Variants in ALDH1L1 observed in about 807,000 individuals in gnomAD.
ALDH1L1 encodes the protein cytosolic 10-formyltetrahydrofolate dehydrogenase.
Under a neutral mutation model 101.1 loss-of-function variants are expected in ALDH1L1, and 68 were observed. The ratio of observed to expected loss-of-function variants is 0.67; its 90% confidence interval spans 0.55 to 0.82. The LOEUF is 0.82. Among genes scored for constraint, ALDH1L1 ranks in the 40% least tolerant of loss-of-function variants. The pLI is 0.00. For missense variants in ALDH1L1, 1,087 were observed against 1,172.7 expected (o/e 0.93, Z 1.07); for synonymous variants, 486 against 470.8 (o/e 1.03, Z -0.42).
rs1430453793 is a variant in ALDH1L1 at position 126,147,873 on chromosome 3, C to T, written c.985-947G>A. Among the ~76,000 whole-genome samples the T allele has an allele frequency of 5.3e-5, 8 of 152,174 alleles. No individual in the cohort carries two copies. In the East Asian group the frequency reaches 1.5e-3, roughly 29 times the overall value. ...CATCAACACCACACCAAGCCACGCA[C>T]TGTCTGCCACACACCTGCTGCCTGC... On this transcript the variant is annotated intron_variant, in intron 8 of 22. Coordinates refer to ENST00000393434, the MANE Select transcript of ALDH1L1 (RefSeq NM_012190.4).
chr3:126,122,434 T>G (rs1386096083), intron 16 of ALDH1L1, among the ~76,000 whole-genome samples: 5 of 152,120 alleles, frequency 3.3e-5, no homozygotes, highest in African/African-American at 1.2e-4. Flanking sequence ...TAGGTGGGAA[T>G]AAAACTTAAA....
intron 1 of ALDH1L1, among the ~76,000 whole-genome samples, chr3:126,190,479 C>T (rs1364123321): frequency 6.6e-6 from 1 of 152,176 alleles, no homozygotes; most frequent in Non-Finnish European, 1.5e-5. Context: ...TCCATGGGTC[C>T]ACACTTCACG....
At chr3:126,175,181 A>C (rs1380090699) in intron 1 of ALDH1L1, among the ~76,000 whole-genome samples, 1 of 152,188 alleles carries the variant, frequency 6.6e-6, no homozygotes, top group African/African-American at 2.4e-5. Flanking sequence ...ACAACGTTCC[A>C]AAACTCACAC....
At chr3:126,177,744 A>C (rs2081389642) in intron 1 of ALDH1L1, among the ~76,000 whole-genome samples, 1 of 152,234 alleles carries the variant, frequency 6.6e-6, no homozygotes, top group African/African-American at 2.4e-5. Flanking sequence ...TGGCTCACCA[A>C]GTATAACAAA....
chr3:126,138,354 G>C (rs773026949), intron 9 of ALDH1L1, among the ~76,000 whole-genome samples: 8 of 152,148 alleles, frequency 5.3e-5, no homozygotes, highest in Non-Finnish European at 8.8e-5. Flanking sequence ...ATAAGCCACA[G>C]ATTGGAAGAA....
intron 1 of ALDH1L1, among the ~76,000 whole-genome samples, chr3:126,174,236 G>A (rs949120225): frequency 6.6e-6 from 1 of 152,128 alleles, no homozygotes; most frequent in African/African-American, 2.4e-5. Context: ...CTCCATGTTG[G>A]TCAGGCTGGT....
At chr3:126,120,884 G>C (rs2080066898) in intron 16 of ALDH1L1, among the ~76,000 whole-genome samples, 1 of 151,924 alleles carries the variant, frequency 6.6e-6, no homozygotes, top group African/African-American at 2.4e-5. Context: ...CTCCATTTTA[G>C]AAAACAAAAT....
At chr3:126,154,792 C>T (rs753361785) in intron 5 of ALDH1L1, 149 bp from the exon 6 acceptor site, 3 of 675,620 alleles carry the variant, frequency 4.4e-6, no homozygotes, top group Non-Finnish European at 7.9e-6. Flanking sequence ...GAGCTGGTGC[C>T]CCTAGTTCTG....
chr3:126,176,588 A>G (rs1358297303), intron 1 of ALDH1L1, among the ~76,000 whole-genome samples: 1 of 152,208 alleles, frequency 6.6e-6, no homozygotes, highest in Admixed American at 6.5e-5. Context: ...GAAAATCTGC[A>G]TTGCACAAAA....
At position 126,112,358 on chromosome 3, in the gene ALDH1L1, T is replaced by C. The variant is rs74949206; in HGVS notation, c.2181+424A>G. ...CAGGGGTATGCCTGTGTAGGGGGAT[T>C]CGTGCTCCAGGGCCCCTGTCCATGG... On this transcript the variant is annotated intron_variant, in intron 19 of 22. Transcript: ENST00000393434. Among the ~76,000 whole-genome samples the C allele has an allele frequency of 2.9e-3, 434 of 152,198 alleles. 2 individuals are homozygous for C. Among genetic ancestry groups the C allele is most frequent in the African/African-American group, 9.1e-3 (377 of 41,522 alleles).
In ALDH1L1 at chr3:126,153,260, C is replaced by T. The variant is rs546327000; in HGVS notation, c.858+184G>A. ...CAGAACAGAGAAGTGGGTAAACTGC[C>T]TCGGACACCCTGTGCTCAGGACCAG... On this transcript the variant is annotated intron_variant, in intron 7 of 22. Coordinates refer to ENST00000393434, the MANE Select transcript of ALDH1L1 (RefSeq NM_012190.4). The T allele has an allele frequency of 2.1e-4, 182 of 866,846 alleles. 2 individuals are homozygous for T. In the South Asian group the frequency reaches 2.7e-3, roughly 13 times the overall value. The allele number at this position is 866,846 out of a possible 1,614,324, so 53.7% of individuals were successfully genotyped here.
intron 1 of ALDH1L1, among the ~76,000 whole-genome samples, chr3:126,195,140 C>A (rs2081575147): frequency 6.6e-6 from 1 of 151,998 alleles, no homozygotes; most frequent in Non-Finnish European, 1.5e-5. Context: ...TCTAATGTCT[C>A]CAAAGTAGGT....
chr3:126,163,416 G>A (rs116823341), intron 1 of ALDH1L1, among the ~76,000 whole-genome samples: 79 of 152,222 alleles, frequency 5.2e-4, no homozygotes, highest in African/African-American at 1.8e-3. Context: ...TTCTAATCCT[G>A]AAGTCTTTCA....
At chr3:126,186,830 G>T (rs1245535803) in intron 1 of ALDH1L1, among the ~76,000 whole-genome samples, 5 of 152,290 alleles carry the variant, frequency 3.3e-5, no homozygotes, top group Admixed American at 3.3e-4. Context: ...ACCTCATGTT[G>T]CTCAGTGGAG....
At chr3:126,155,697 G>A in intron 4 of ALDH1L1, 194 bp from the exon 5 acceptor site, 1 of 514,772 alleles carries the variant, frequency 1.9e-6, no homozygotes, top group Non-Finnish European at 3.4e-6. Context: ...AACGGACACA[G>A]ACCCGTCCTC....
At chr3:126,185,384 A>G (rs571615549), upstream of ALDH1L1, among the ~76,000 whole-genome samples, 3 of 152,330 alleles carry the variant, frequency 2.0e-5, no homozygotes, top group East Asian at 3.9e-4. Flanking sequence ...TCGCACCTCT[A>G]TGGGGGAGAT....
chr3:126,140,274 A>G (rs1187383127), intron 9 of ALDH1L1, among the ~76,000 whole-genome samples: 4 of 152,322 alleles, frequency 2.6e-5, no homozygotes, highest in South Asian at 2.1e-4. Context: ...AGTTTTGGGG[A>G]AAAATGGCAA....
rs1468590769 is a variant in ALDH1L1, at chr3:126,103,655, G to A, written c.*136C>T. 1.4e-5 allele frequency: 12 copies of A among 887,458 alleles called. No homozygotes were observed. The highest frequency in any genetic ancestry group is 2.1e-5 in the Non-Finnish European group (12 of 570,010). 55.0% of individuals were successfully genotyped at this position (887,458 alleles called of 1,614,324 possible). A position where few individuals can be genotyped will look rare whatever the true frequency, so the allele number is the denominator to read the frequency against. Reference sequence around the variant, plus strand: ...TTCTGACTGGACAGAGGGCGTCCAAGATGCAGACATGGTGTGCAGGCAGGA... The same window carrying A: ...TTCTGACTGGACAGAGGGCGTCCAAAATGCAGACATGGTGTGCAGGCAGGA... On this transcript the variant is annotated 3_prime_UTR_variant, in exon 23 of 23. Coordinates refer to ENST00000393434, the MANE Select transcript of ALDH1L1 (RefSeq NM_012190.4).
At chr3:126,169,868 A>C (rs1245543637) in intron 1 of ALDH1L1, among the ~76,000 whole-genome samples, 1 of 152,196 alleles carries the variant, frequency 6.6e-6, no homozygotes, top group African/African-American at 2.4e-5. Context: ...GAAAAGTAAA[A>C]ATTATGTTTC....
Sources: allele counts gnomAD v4.1 joint callset (sites outside exome capture counted in the v4.1 genomes callset), GRCh38; gene constraint gnomAD v4.1.1; transcripts MANE v1.5; gene names NCBI Gene and HGNC (gene_info 2026-07-23, HGNC 2026-07-21).